The following AVEN variants were observed in gnomAD, a reference collection of about 807,000 sequenced individuals.
AVEN encodes the protein cell death regulator Aven.
AVEN carries 41 observed loss-of-function variants against 38.1 expected under a neutral mutation model. The ratio of observed to expected loss-of-function variants is 1.08; its 90% CI spans 0.84 to 1.40. The LOEUF (loss-of-function observed/expected upper bound fraction) is 1.40. AVEN is among the 40% of genes most tolerant of loss of function. AVEN has a pLI of 0.00. For missense variants in AVEN, 605 were observed against 438.8 expected (o/e 1.38, Z -3.38); for synonymous variants, 206 against 171.8 (o/e 1.20, Z -1.56).
At chr15:34,010,985 C>T (rs1447468048) in intron 1 of AVEN, among the ~76,000 whole-genome samples, 4 of 152,140 alleles carry the variant, frequency 2.6e-5, no homozygotes, top group Non-Finnish European at 4.4e-5. Flanking sequence ...TAGAAAAACT[C>T]ATAAACCATC....
chr15:33,924,098 A>G (rs1893518941), intron 2 of AVEN, among the ~76,000 whole-genome samples: 1 of 152,024 alleles, frequency 6.6e-6, no homozygotes, highest in South Asian at 2.1e-4. Context: ...CCACAGAAAA[A>G]CTGTCTTCCA....
intron 1 of AVEN, among the ~76,000 whole-genome samples, chr15:34,026,890 A>G (rs1898497254): frequency 6.6e-6 from 1 of 152,152 alleles, no homozygotes; most frequent in Non-Finnish European, 1.5e-5. Flanking sequence ...CAAAGACTAG[A>G]ACTGTGGCCT....
At position 33,870,985 on chromosome 15, in the gene AVEN, G is replaced by C. The variant is rs773237850; in HGVS notation, c.562C>G (p.Gln188Glu). ...AGTCGGAGGCAGAGAGGCAGCTCTT[G>C]AAGGGCTCGAACCAATAACTCACTA... ...VDSELLVRAL[Q>E]ELPLCLRLNV... The change falls in exon 4 of 6, where the codon CAA (glutamine) becomes GAA (glutamate). Residue 188 changes from glutamine (Q) to glutamate (E), a missense_variant. By Grantham distance (29) the Gln-to-Glu change is conservative. Coordinates refer to ENST00000306730, the MANE Select transcript of AVEN (RefSeq NM_020371.3). 1 of 1,611,056 alleles carries C rather than the reference G, an allele frequency of 6.2e-7. No homozygotes were observed. The highest frequency in any genetic ancestry group is 8.5e-7 in the Non-Finnish European group (1 of 1,178,198).
chr15:34,059,103 G>C (rs1473915504), intron 5 of AVEN, among the ~76,000 whole-genome samples: 1 of 149,378 alleles, frequency 6.7e-6, no homozygotes, highest in Non-Finnish European at 1.5e-5. Flanking sequence ...CATCATGTTG[G>C]CCAGGCTGGT....
In AVEN at chr15:34,038,872, A is replaced by AGCCCCGGCCACGGCCACG; in HGVS notation, c.157_174dup (p.Arg53_Gly58dup). On this transcript the variant is annotated inframe_insertion, in exon 1 of 6. Coordinates refer to ENST00000306730, the MANE Select transcript of AVEN (RefSeq NM_020371.3). ...CCTCGGCCTCCGCGAGCGCCGCGGA[A>AGCCCCGGCCACGGCCACG]GCCCCGGCCACGGCCACGGCCCCGG... 1.7e-6 allele frequency: 2 copies of AGCCCCGGCCACGGCCACG among 1,146,604 alleles called. No homozygotes were observed. Among genetic ancestry groups the AGCCCCGGCCACGGCCACG allele is most frequent in the Non-Finnish European group, 2.1e-6 (2 of 937,174 alleles). The allele number at this position is 1,146,604 out of a possible 1,614,324, so 71.0% of individuals were successfully genotyped here.
exon 4 of AVEN, chr15:34,066,152 G>C (rs1900504797): frequency 1.3e-5 from 2 of 152,274 alleles, no homozygotes; most frequent in South Asian, 4.1e-4. Context: ...GTAAAGGGCA[G>C]GTTGACACCT....
chr15:33,866,824 A>T, intron 5 of AVEN, 96 bp from the exon 6 acceptor site: 1 of 837,920 alleles, frequency 1.2e-6, no homozygotes, highest in Non-Finnish European at 1.9e-6. Context: ...AACAAGGGGA[A>T]ACATTCTCAT....
At chr15:33,873,997 A>C (rs958192) in intron 3 of AVEN, among the ~76,000 whole-genome samples, 84,073 of 151,840 alleles carry the variant, frequency 0.55, 26,044 homozygotes, top group Non-Finnish European at 0.7. Flanking sequence ...ACATCCTCCT[A>C]ATCGGTTTCC....
chr15:33,880,785 A>T (rs1891454337), intron 2 of AVEN, among the ~76,000 whole-genome samples: 1 of 152,230 alleles, frequency 6.6e-6, no homozygotes, highest in Non-Finnish European at 1.5e-5. Flanking sequence ...AAAAAGATCC[A>T]CAGAGATTAA....
chr15:34,007,756 C>G (rs1897419795), intron 1 of AVEN, among the ~76,000 whole-genome samples: 2 of 152,162 alleles, frequency 1.3e-5, no homozygotes, highest in African/African-American at 2.4e-5. Flanking sequence ...TCTCTCAGTT[C>G]TGGAGGCTAG....
the AVEN span, chr15:33,852,925 T>C: frequency 1.2e-6 from 1 of 807,732 alleles, no homozygotes; most frequent in East Asian, 2.7e-5. Context: ...TAAAATTCTT[T>C]GGTGAGCAGG....
At chr15:33,974,610 T>A (rs1406087969) in intron 2 of AVEN, among the ~76,000 whole-genome samples, 1 of 152,218 alleles carries the variant, frequency 6.6e-6, no homozygotes, top group African/African-American at 2.4e-5. Flanking sequence ...ATGCTCAGGG[T>A]ACATGAATAA....
chr15:34,009,798 G>C (rs1897559499), intron 1 of AVEN, among the ~76,000 whole-genome samples: 1 of 152,086 alleles, frequency 6.6e-6, no homozygotes, highest in Non-Finnish European at 1.5e-5. Context: ...AGATCAGCCT[G>C]AGCAACATAG....
At chr15:33,857,806 C>T (rs369041765), downstream of AVEN, 101 of 1,614,114 alleles carry the variant, frequency 6.3e-5, no homozygotes, top group Non-Finnish European at 7.0e-5. Context: ...GTCTCCTGGC[C>T]GTGGTGGTTT....
chr15:33,931,836 G>C (rs1305568231), intron 2 of AVEN, among the ~76,000 whole-genome samples: 2 of 152,154 alleles, frequency 1.3e-5, no homozygotes, highest in Admixed American at 6.5e-5. Context: ...CTCACAGCTA[G>C]AAGTATAGTT....
At chr15:33,963,494 G>C in intron 2 of AVEN, among the ~76,000 whole-genome samples, 1 of 152,142 alleles carries the variant, frequency 6.6e-6, no homozygotes, top group East Asian at 1.9e-4. Context: ...AAGGGTATCA[G>C]AAAGTAAAAC....
At chr15:33,917,510 TTCAC>T (rs1311133791) in intron 2 of AVEN, among the ~76,000 whole-genome samples, 1 of 135,424 alleles carries the variant, frequency 7.4e-6, no homozygotes, top group Non-Finnish European at 1.5e-5. Flanking sequence ...CACGGAATAA[TTCAC>T]ACACATACGT....
At chr15:33,860,201 AG>A (rs1408525405) in intron 11 of AVEN, among the ~76,000 whole-genome samples, 1 of 152,244 alleles carries the variant, frequency 6.6e-6, no homozygotes, top group African/African-American at 2.4e-5. Context: ...TAAGACATGC[AG>A]GTGTTGAGGG....
intron 2 of AVEN, among the ~76,000 whole-genome samples, chr15:33,986,534 C>T (rs1272847839): frequency 6.6e-6 from 1 of 152,118 alleles, no homozygotes; most frequent in African/African-American, 2.4e-5. Context: ...GTAAAGAAAG[C>T]AAGCTTTCTG....
Sources: gnomAD v4.1 joint callset for allele counts (sites outside exome capture counted in the v4.1 genomes callset) on GRCh38, gnomAD v4.1.1 for gene constraint, MANE v1.5 for transcripts, NCBI Gene and HGNC (gene_info 2026-07-23, HGNC 2026-07-21) for gene names.